Variants in DGKH observed in about 807,000 individuals in gnomAD.
DGKH encodes diacylglycerol kinase eta.
A neutral mutation model predicts 159.3 loss-of-function variants in DGKH; 90 were observed. That is an observed-to-expected ratio of 0.57 (90% CI 0.48 to 0.67). The LOEUF is 0.67. Ranked by LOEUF, DGKH falls within the 30% of genes least tolerant of loss-of-function variation. DGKH has a pLI of 0.00. For synonymous variants in DGKH, 536 were observed against 553.8 expected, an observed-to-expected ratio of 0.97 and a Z score of 0.45; for missense variants, 1,181 against 1,506.1, an observed-to-expected ratio of 0.78 and a Z score of 3.57.
At chr13:42,249,567 C>G (rs552264460) in intron 29 of DGKH, among the ~76,000 whole-genome samples, 2 of 152,304 alleles carry the variant, frequency 1.3e-5, no homozygotes, top group East Asian at 3.9e-4. Flanking sequence ...GACACGTGGT[C>G]TCTGTCAGGA....
intron 26 of DGKH, among the ~76,000 whole-genome samples, chr13:42,218,502 CTTTTTTTTTTTT>C (rs56173082): frequency 1.1e-5 from 1 of 88,326 alleles, no homozygotes; most frequent in African/African-American, 4.3e-5. Context: ...CATGTGGTGA[CTTTTTTTTTTTT>C]TTTTTTTTTT....
chr13:42,089,168 G>A (rs1954366421), intron 1 of DGKH, among the ~76,000 whole-genome samples: 1 of 152,038 alleles, frequency 6.6e-6, no homozygotes, highest in Non-Finnish European at 1.5e-5. Flanking sequence ...AATTATATTT[G>A]GAAATTTCAG....
At chr13:42,168,859 A>C in intron 11 of DGKH, 41 bp downstream of exon 11, 1 of 1,565,096 alleles carries the variant, frequency 6.4e-7, no homozygotes. Flanking sequence ...GGAAAATGGC[A>C]TACTGAAATC....
At chr13:42,130,733 A>G (rs1397674870) in intron 3 of DGKH, among the ~76,000 whole-genome samples, 1 of 152,072 alleles carries the variant, frequency 6.6e-6, no homozygotes, top group African/African-American at 2.4e-5. Flanking sequence ...GGAAGAGAGG[A>G]CACAAATGAA....
intron 1 of DGKH, among the ~76,000 whole-genome samples, chr13:42,057,759 A>G (rs1159860419): frequency 2.0e-5 from 3 of 152,212 alleles, no homozygotes; most frequent in Non-Finnish European, 4.4e-5. Context: ...AGAATTTATG[A>G]ACTTGTAAAT....
At chr13:42,244,903 C>CAAAAAAAAAAA (rs57184890), downstream of DGKH, among the ~76,000 whole-genome samples, 3 of 42,966 alleles carry the variant, frequency 7.0e-5, no homozygotes, top group African/African-American at 2.0e-4. Context: ...GACTCCGTCT[C>CAAAAAAAAAAA]AAAAAAAAAA....
intron 3 of DGKH, among the ~76,000 whole-genome samples, chr13:42,134,357 A>T (rs1176716750): frequency 6.6e-6 from 1 of 151,874 alleles, no homozygotes; most frequent in African/African-American, 2.4e-5. Context: ...CAGTAAGATT[A>T]CTCTTCCTTT....
At chr13:42,152,243 G>A (rs913138351) in intron 3 of DGKH, among the ~76,000 whole-genome samples, 1 of 151,958 alleles carries the variant, frequency 6.6e-6, no homozygotes. Flanking sequence ...TGTTACAATG[G>A]CAATAGGAAA....
At chr13:42,126,985 A>T (rs184343704) in intron 1 of DGKH, among the ~76,000 whole-genome samples, 2 of 152,216 alleles carry the variant, frequency 1.3e-5, no homozygotes, top group Non-Finnish European at 2.9e-5. Context: ...CAACAACCCT[A>T]TAAGGTATGT....
At chr13:42,138,372 G>T (rs934966763) in intron 3 of DGKH, among the ~76,000 whole-genome samples, 5 of 151,650 alleles carry the variant, frequency 3.3e-5, no homozygotes, top group African/African-American at 9.7e-5. Context: ...TGTGAGAGGG[G>T]GTGAGGAGAG....
chr13:42,089,113 G>A (rs539809778), intron 1 of DGKH, among the ~76,000 whole-genome samples: 2 of 152,268 alleles, frequency 1.3e-5, no homozygotes, highest in African/African-American at 2.4e-5. Context: ...TGAAATGCAT[G>A]AAGCAAAGAT....
intron 9 of DGKH, among the ~76,000 whole-genome samples, chr13:42,168,202 C>T (rs1042804244): frequency 2.0e-5 from 3 of 152,120 alleles, no homozygotes; most frequent in Admixed American, 1.3e-4. Flanking sequence ...TTTCTCATTT[C>T]TCACCCCCAT....
At chr13:42,070,985 C>A in intron 1 of DGKH, 1 of 1,316,580 alleles carries the variant, frequency 7.6e-7, no homozygotes, top group South Asian at 1.2e-5. Flanking sequence ...TTGTCTACAG[C>A]AGAAAAAAAC....
At chr13:42,171,442 T>C (rs1187993411) in intron 11 of DGKH, among the ~76,000 whole-genome samples, 1 of 152,202 alleles carries the variant, frequency 6.6e-6, no homozygotes, top group African/African-American at 2.4e-5. Flanking sequence ...TCCTCACTTT[T>C]TCATCTCTTG....
At chr13:42,109,187 G>A (rs191836460) in intron 1 of DGKH, among the ~76,000 whole-genome samples, 2 of 152,326 alleles carry the variant, frequency 1.3e-5, no homozygotes, top group African/African-American at 4.8e-5. Flanking sequence ...AGGAACGAGA[G>A]TAACACAAGA....
In DGKH at chr13:42,232,972, A is replaced by AT. The variant is rs71777670; in HGVS notation, c.*3791dup. ...AGTGAGACCCTGTCTCTGAAAAAAA[A>AT]TTTTTTTAACTAGCTAGGCATGGTG... On this transcript the variant is annotated 3_prime_UTR_variant, in exon 30 of 30. Coordinates refer to ENST00000337343, the MANE Select transcript of DGKH (RefSeq NM_178009.5). The AT allele has an allele frequency of 0.13, 20,061 of 151,830 alleles. 1,689 individuals are homozygous for AT. Among genetic ancestry groups the AT allele is most frequent in the Admixed American group, 0.23 (3,527 of 15,240 alleles). The allele number at this position is 151,830 out of a possible 1,614,324, so 9.4% of individuals were successfully genotyped here.
At chr13:42,247,715 A>G (rs372692604), downstream of DGKH, among the ~76,000 whole-genome samples, 2 of 152,348 alleles carry the variant, frequency 1.3e-5, no homozygotes, top group East Asian at 3.9e-4. Context: ...AGACAGTGAT[A>G]CTGATGATCC....
At chr13:42,166,026 G>A (rs1371543785) in intron 8 of DGKH, among the ~76,000 whole-genome samples, 2 of 151,944 alleles carry the variant, frequency 1.3e-5, no homozygotes, top group East Asian at 3.9e-4. Context: ...ATATTCATAG[G>A]GTTCCTGCAG....
At chr13:42,177,968 T>A (rs1001051816) in intron 12 of DGKH, among the ~76,000 whole-genome samples, 167 bp from the exon 13 acceptor site, 2 of 152,234 alleles carry the variant, frequency 1.3e-5, no homozygotes, top group African/African-American at 2.4e-5. Context: ...GAAAGCCTTT[T>A]GCCAAAAGGA....
Sources: gnomAD v4.1 joint callset for allele counts (sites outside exome capture counted in the v4.1 genomes callset) on GRCh38, gnomAD v4.1.1 for gene constraint, MANE v1.5 for transcripts, NCBI Gene and HGNC (gene_info 2026-07-23, HGNC 2026-07-21) for gene names.